Variants in SULT1B1 observed in about 807,000 individuals in gnomAD.
SULT1B1 encodes the protein sulfotransferase family 1B member 1, also known as sulfotransferase 1B1.
Under a neutral mutation model 34.6 loss-of-function variants are expected in SULT1B1, and 28 were observed. The ratio of observed to expected loss-of-function variants is 0.81; its 90% CI spans 0.60 to 1.11. SULT1B1 has a LOEUF of 1.11. Ranked by LOEUF, SULT1B1 falls within the 50% of genes least tolerant of loss-of-function variation. The probability of loss-of-function intolerance (pLI) is 0.00; values close to 1 mark genes in which losing one functional copy is unlikely to be tolerated. For missense variants in SULT1B1, 374 were observed against 352.2 expected, an observed-to-expected ratio of 1.06 and a Z score of -0.50; for synonymous variants, 147 against 110.2, an observed-to-expected ratio of 1.33 and a Z score of -2.09.
intron 4 of SULT1B1, among the ~76,000 whole-genome samples, chr4:69,736,091 G>A (rs1243543685): frequency 6.6e-6 from 1 of 152,132 alleles, no homozygotes; most frequent in Non-Finnish European, 1.5e-5. Context: ...ACTCAGTGCT[G>A]CCCTGTCACA....
chr4:69,743,610 A>T (rs1479847850), intron 4 of SULT1B1, among the ~76,000 whole-genome samples: 11 of 152,120 alleles, frequency 7.2e-5, no homozygotes, highest in Non-Finnish European at 5.9e-5. Context: ...CAAGGCTGTT[A>T]CTGCCAAGGG....
intron 3 of SULT1B1, among the ~76,000 whole-genome samples, chr4:69,750,373 A>T (rs1442376506): frequency 6.6e-6 from 1 of 152,174 alleles, no homozygotes; most frequent in Non-Finnish European, 1.5e-5. Context: ...AAAAATGTGT[A>T]ATCTTTAGAT....
chr4:69,738,485 A>G (rs546381944), intron 4 of SULT1B1, among the ~76,000 whole-genome samples: 8 of 152,232 alleles, frequency 5.3e-5, no homozygotes, highest in African/African-American at 1.9e-4. Flanking sequence ...CACTTATAAA[A>G]CCATCAGGTC....
chr4:69,734,310 A>G (rs1180100110), intron 4 of SULT1B1, 46 bp from the exon 5 acceptor site: 1 of 1,579,506 alleles, frequency 6.3e-7, no homozygotes, highest in Non-Finnish European at 8.6e-7. Context: ...GATAAAAGAC[A>G]TTTTGTTTAG....
At chr4:69,736,487 A>C (rs187287471) in intron 4 of SULT1B1, among the ~76,000 whole-genome samples, 1 of 152,206 alleles carries the variant, frequency 6.6e-6, no homozygotes, top group Non-Finnish European at 1.5e-5. Flanking sequence ...ACTTCGTCTT[A>C]CATCTTGGAT....
At chr4:69,753,099 A>G (rs890067159) in intron 3 of SULT1B1, among the ~76,000 whole-genome samples, 11 of 152,170 alleles carry the variant, frequency 7.2e-5, no homozygotes, top group Non-Finnish European at 1.2e-4. Flanking sequence ...ATATATTTTT[A>G]CAAGCTCCAA....
intron 4 of SULT1B1, among the ~76,000 whole-genome samples, chr4:69,738,848 G>A (rs563818633): frequency 6.6e-6 from 1 of 152,156 alleles, no homozygotes; most frequent in Non-Finnish European, 1.5e-5. Context: ...TACAGTGGGA[G>A]TACAGGCATT....
At chr4:69,747,336 A>G (rs1375283044) in intron 4 of SULT1B1, among the ~76,000 whole-genome samples, 1 of 152,194 alleles carries the variant, frequency 6.6e-6, no homozygotes, top group Non-Finnish European at 1.5e-5. Context: ...ATGCAAAAGC[A>G]AAAAACTGGG....
chr4:69,728,480 C>T (rs575600617), intron 7 of SULT1B1, among the ~76,000 whole-genome samples: 2 of 152,026 alleles, frequency 1.3e-5, no homozygotes, highest in South Asian at 4.1e-4. Flanking sequence ...ATGTACATGC[C>T]CCTTGCACTA....
Position 69,749,825 on chromosome 4 carries a change from A to C in SULT1B1, c.278-7T>G. 2 of 1,606,868 alleles carry C rather than the reference A, an allele frequency of 1.2e-6. No homozygotes were observed. The highest frequency in any genetic ancestry group is 8.5e-7 in the Non-Finnish European group (1 of 1,173,680). On this transcript the variant is annotated splice_region_variant and splice_polypyrimidine_tract_variant and intron_variant, in intron 3 of 7. Transcript: ENST00000310613. ...TTCTCCAATTGTTCTATACCTGAGA[A>C]ATTTAGTTAAGTATAGGGAAATATT...
chr4:69,728,573 G>A (rs1405229346), intron 7 of SULT1B1, among the ~76,000 whole-genome samples: 2 of 151,740 alleles, frequency 1.3e-5, no homozygotes, highest in African/African-American at 4.8e-5. Context: ...AGTTATTCAT[G>A]AAGAAGTTTT....
At position 69,754,981 on chromosome 4, in the gene SULT1B1, T is replaced by G. The variant is rs1309343246; in HGVS notation, c.148+89A>C. On this transcript the variant is annotated intron_variant, in intron 2 of 7. Coordinates refer to ENST00000310613, the MANE Select transcript of SULT1B1 (RefSeq NM_014465.4). ...CTGCACAAAATGAATATTAACTTTA[T>G]TTAGAATGGTAATGATTTTATGGAC... 3 of 1,325,486 alleles carry G rather than the reference T, an allele frequency of 2.3e-6. 1 individual carries two copies. Among genetic ancestry groups the G allele is most frequent in the Admixed American group, 4.0e-5 (2 of 49,496 alleles). 82.1% of individuals were successfully genotyped at this position (1,325,486 alleles called of 1,614,324 possible). A position where few individuals can be genotyped will look rare whatever the true frequency, so the allele number is the denominator to read the frequency against.
At chr4:69,760,183 ATT>A in intron 1 of SULT1B1, 1 of 976,832 alleles carries the variant, frequency 1.0e-6, no homozygotes, top group Non-Finnish European at 1.2e-6. Flanking sequence ...CTTGAAAAAG[ATT>A]TCTTTTTCTT....
chr4:69,734,334 T>C, intron 4 of SULT1B1, 70 bp from the exon 5 acceptor site: 1 of 1,502,218 alleles, frequency 6.7e-7, no homozygotes, highest in Non-Finnish European at 8.9e-7. Context: ...AAAATTAACC[T>C]ATACGCATGT....
chr4:69,735,629 T>G (rs1259998646), intron 4 of SULT1B1, among the ~76,000 whole-genome samples: 1 of 152,208 alleles, frequency 6.6e-6, no homozygotes, highest in Non-Finnish European at 1.5e-5. Flanking sequence ...GGAAAGTACC[T>G]TATACTCCTT....
intron 1 of SULT1B1, among the ~76,000 whole-genome samples, chr4:69,759,096 G>C (rs1316468704): frequency 6.6e-6 from 1 of 152,074 alleles, no homozygotes; most frequent in African/African-American, 2.4e-5. Flanking sequence ...ATGAATTCAG[G>C]GTCTTTTAAA....
At chr4:69,751,347 A>C (rs1016061822) in intron 3 of SULT1B1, among the ~76,000 whole-genome samples, 1 of 152,212 alleles carries the variant, frequency 6.6e-6, no homozygotes, top group Non-Finnish European at 1.5e-5. Flanking sequence ...CCTATTTTGC[A>C]ATCATTTTGC....
rs1170386062 is a variant in SULT1B1, at chr4:69,724,372, G to A, written c.*2716C>T. On this transcript the variant is annotated 3_prime_UTR_variant, in exon 8 of 8. Coordinates refer to ENST00000310613, the MANE Select transcript of SULT1B1 (RefSeq NM_014465.4). ...AACCACTGCTCAATGAAATAAAAGAGGATACAAACAAATAGAAGAACATTC... is the reference window on the plus strand; with the variant it reads ...AACCACTGCTCAATGAAATAAAAGAAGATACAAACAAATAGAAGAACATTC... 2.0e-5 allele frequency: 3 copies of A among 152,094 alleles called. No homozygotes were observed. The highest frequency in any genetic ancestry group is 7.2e-5 in the African/African-American group (3 of 41,396). 9.4% of individuals were successfully genotyped at this position (152,094 alleles called of 1,614,324 possible).
At position 69,725,886 on chromosome 4, in the gene SULT1B1, G is replaced by A. The variant is rs193042891; in HGVS notation, c.*1202C>T. The A allele has an allele frequency of 3.3e-5, 5 of 150,974 alleles. No individual in the cohort carries two copies. The highest frequency in any genetic ancestry group is 7.3e-5 in the African/African-American group (3 of 40,980). The allele number at this position is 150,974 out of a possible 1,614,324, so 9.4% of individuals were successfully genotyped here. Reference sequence around the variant, plus strand: ...GGGGCCTGTTGTGGGGTGGAGGGAGGGGGGAAGGATAGCATTAGGAGGTAT... The same window carrying A: ...GGGGCCTGTTGTGGGGTGGAGGGAGAGGGGAAGGATAGCATTAGGAGGTAT... On this transcript the variant is annotated 3_prime_UTR_variant, in exon 8 of 8. Transcript: ENST00000310613.
Sources: allele counts gnomAD v4.1 joint callset (sites outside exome capture counted in the v4.1 genomes callset), GRCh38; gene constraint gnomAD v4.1.1; transcripts MANE v1.5; gene names NCBI Gene and HGNC (gene_info 2026-07-23, HGNC 2026-07-21).